RBSN: variants seen among roughly 807,000 people sequenced by gnomAD.
The protein encoded by RBSN is rabenosyn, RAB effector, also known as rabenosyn-5.
Under a neutral mutation model 60.5 loss-of-function variants are expected in RBSN, and 34 were observed. The ratio of observed to expected loss-of-function variants is 0.56; its 90% CI spans 0.43 to 0.75. The LOEUF (loss-of-function observed/expected upper bound fraction) is 0.75. Among genes scored for constraint, RBSN ranks in the 30% least tolerant of loss-of-function variants. The pLI is 0.00. For missense variants in RBSN, 845 were observed against 986.8 expected (o/e 0.86, Z 1.92); for synonymous variants, 322 against 366.9 (o/e 0.88, Z 1.40).
intron 10 of RBSN, among the ~76,000 whole-genome samples, 190 bp downstream of exon 10, chr3:15,080,542 C>G (rs1025580081): frequency 1.3e-5 from 2 of 152,078 alleles, no homozygotes; most frequent in Non-Finnish European, 2.9e-5. Flanking sequence ...TAGCCTGTAC[C>G]CCACTAAAAG....
At chr3:15,092,208 T>C (rs968043966) in intron 4 of RBSN, among the ~76,000 whole-genome samples, 3 of 151,614 alleles carry the variant, frequency 2.0e-5, no homozygotes. Flanking sequence ...CATTTTTTTG[T>C]AGAGATGTTG....
At chr3:15,090,860 G>A (rs1325117710) in intron 4 of RBSN, among the ~76,000 whole-genome samples, 1 of 152,120 alleles carries the variant, frequency 6.6e-6, no homozygotes, top group Non-Finnish European at 1.5e-5. Context: ...AGGAAAACAG[G>A]GTGATGGAAG....
In RBSN at chr3:15,074,475, G is replaced by T. The variant is rs757079272; in HGVS notation, c.1662C>A (p.Ile554=). 1 of 1,614,234 alleles carries T rather than the reference G, an allele frequency of 6.2e-7. No homozygotes were observed. The change falls in exon 14 of 14, where the codon ATC becomes ATA. Residue 554 remains isoleucine, a synonymous_variant. Coordinates refer to ENST00000253699, the MANE Select transcript of RBSN (RefSeq NM_022340.4). The surrounding 1 kb of genome is among the most constrained non-coding windows in gnomAD (Gnocchi z 6.4). ...TRTRSLDFRE[I]GPFQLEPSRE... is the part of the protein sequence containing the mutation. ...TGCTGGGCTCCAGCTGAAAAGGGCC[G>T]ATTTCTCTGAAGTCCAGGGACCGAG... is the stretch of plus-strand genomic sequence containing the variant.
rs932733368 is a variant in RBSN at position 15,073,513 on chromosome 3, G to C, written c.*269C>G. 9.3e-6 allele frequency: 4 copies of C among 431,184 alleles called. No individual in the cohort carries two copies. The highest frequency in any genetic ancestry group is 1.7e-5 in the Non-Finnish European group (4 of 241,592). 26.7% of individuals were successfully genotyped at this position (431,184 alleles called of 1,614,324 possible). On this transcript the variant is annotated 3_prime_UTR_variant, in exon 14 of 14. Transcript: ENST00000253699. ...AAAATGTAAAGTCCCTTCAAAAGGG[G>C]TAAACCTCCGATTACAAAAGATAGT...
chr3:15,087,397 C>T (rs962350417), intron 5 of RBSN, among the ~76,000 whole-genome samples: 4 of 152,098 alleles, frequency 2.6e-5, no homozygotes, highest in African/African-American at 9.7e-5. Context: ...CGCCTGTGGT[C>T]CCAGCTACTC....
rs1369130683 is a variant in RBSN at position 15,077,820 on chromosome 3, G to C, written c.998+255C>G. Among the ~76,000 whole-genome samples the C allele has an allele frequency of 6.6e-6, 1 of 152,176 alleles. No homozygotes were observed. Among genetic ancestry groups the C allele is most frequent in the Non-Finnish European group, 1.5e-5 (1 of 68,022 alleles). ...TAAATGAGCTATTCTAGAGAAAACA[G>C]CCAGTGACTGGCAGGTGATAGGTGT... On this transcript the variant is annotated intron_variant, in intron 11 of 13. Transcript: ENST00000253699. This position sits in a 1 kb window ranked among gnomAD's most constrained non-coding sequence, Gnocchi z 4.4.
At chr3:15,093,539 G>A (rs572889528) in intron 4 of RBSN, among the ~76,000 whole-genome samples, 32 of 152,202 alleles carry the variant, frequency 2.1e-4, no homozygotes, top group African/African-American at 7.0e-4. Context: ...CTACGAGTGC[G>A]TGCCACTATG....
At position 15,073,641 on chromosome 3, in the gene RBSN, A is replaced by T; in HGVS notation, c.*141T>A. 1.2e-6 allele frequency: 1 copy of T among 831,748 alleles called. No individual in the cohort carries two copies. Among genetic ancestry groups the T allele is most frequent in the Non-Finnish European group, 1.8e-6 (1 of 543,718 alleles). 51.5% of individuals were successfully genotyped at this position (831,748 alleles called of 1,614,324 possible). A position where few individuals can be genotyped will look rare whatever the true frequency, so the allele number is the denominator to read the frequency against. ...GAAATACCTCAAAGTGCGCAACACA[A>T]AACAGCAGATTCCTGCCCCTCACCT... On this transcript the variant is annotated 3_prime_UTR_variant, in exon 14 of 14. Coordinates refer to ENST00000253699, the MANE Select transcript of RBSN (RefSeq NM_022340.4).
intron 6 of RBSN, 121 bp from the exon 7 acceptor site, chr3:15,085,166 C>T: frequency 8.6e-7 from 1 of 1,159,576 alleles, no homozygotes; most frequent in Non-Finnish European, 1.2e-6. Flanking sequence ...ATCTGTCATC[C>T]CCAACGCCAC....
intron 13 of RBSN, chr3:15,075,271 T>C (rs1484486927): frequency 3.4e-6 from 2 of 592,324 alleles, no homozygotes; most frequent in Non-Finnish European, 6.2e-6. Context: ...TATAATTTTC[T>C]GTTTAATATT....
In RBSN at chr3:15,075,092, T is replaced by C. The variant is rs556390868; in HGVS notation, c.1207-162A>G. On this transcript the variant is annotated intron_variant, in intron 13 of 13. Coordinates refer to ENST00000253699, the MANE Select transcript of RBSN (RefSeq NM_022340.4). ...CTGCTAAAATCAAGTCATGTTTTTGTGTATATGTGGGCGGAAGGGAGACCC... is the reference window on the plus strand; with the variant it reads ...CTGCTAAAATCAAGTCATGTTTTTGCGTATATGTGGGCGGAAGGGAGACCC... 11 of 862,482 alleles carry C rather than the reference T, an allele frequency of 1.3e-5. No individual in the cohort carries two copies. The African/African-American group carries it at 1.5e-4, about 12-fold the overall frequency. 53.4% of individuals were successfully genotyped at this position (862,482 alleles called of 1,614,324 possible).
intron 4 of RBSN, among the ~76,000 whole-genome samples, chr3:15,092,613 C>T (rs919325970): frequency 1.3e-4 from 20 of 152,062 alleles, no homozygotes; most frequent in African/African-American, 4.6e-4. Flanking sequence ...GGTTTCACCA[C>T]ATTGGCCAGG....
rs1179257797 is a variant in RBSN at position 15,084,711 on chromosome 3, G to A, written c.598+24C>T. ...AGGCCCAAAAGAAGATGAGGGTCCAGGGCCCCACCTCCAAGTCACCTACTT... is the reference window on the plus strand; with the variant it reads ...AGGCCCAAAAGAAGATGAGGGTCCAAGGCCCCACCTCCAAGTCACCTACTT... On this transcript the variant is annotated intron_variant, in intron 8 of 13. Coordinates refer to ENST00000253699, the MANE Select transcript of RBSN (RefSeq NM_022340.4). The surrounding 1 kb of genome is among the most constrained non-coding windows in gnomAD (Gnocchi z 4.2). 16 of 1,565,674 alleles carry A rather than the reference G, an allele frequency of 1.0e-5. No homozygotes were observed. Among genetic ancestry groups the A allele is most frequent in the Non-Finnish European group, 1.3e-5 (15 of 1,157,350 alleles).
rs767867391 is a variant in RBSN, at chr3:15,074,728, A to G, written c.1409T>C (p.Ile470Thr). ...GCGGCCCGCGGCCTTGGCCTGCCTG[A>G]TGAATGATGTGATGTTGTGGATCTG... is the stretch of plus-strand genomic sequence containing the variant. The part of the protein sequence containing the change: ...LQQIHNITSF[I>T]RQAKAAGRMD... Residue 470 changes from isoleucine (I) to threonine (T), a missense_variant, in exon 14 of 14, where the codon ATC (isoleucine) becomes ACC (threonine). By Grantham distance (89) the Ile-to-Thr change is moderately conservative. Transcript: ENST00000253699. This position sits in a 1 kb window ranked among gnomAD's most constrained non-coding sequence, Gnocchi z 6.4. 5.0e-6 allele frequency: 8 copies of G among 1,614,222 alleles called. No homozygotes were observed. The highest frequency in any genetic ancestry group is 6.8e-6 in the Non-Finnish European group (8 of 1,180,040).
chr3:15,078,272 A>C (rs2043103675), intron 10 of RBSN, 111 bp from the exon 11 acceptor site: 1 of 837,408 alleles, frequency 1.2e-6, no homozygotes, highest in Admixed American at 2.2e-5. Flanking sequence ...AATTCTCTAA[A>C]GGTGGCATTT....
Position 15,080,824 on chromosome 3 carries a change from T to C in RBSN, c.841-22A>G, listed in dbSNP as rs145727755. ...ATTTCTAAGAACAAAAACAAAGAGG[T>C]AAGTGGTATGCTCAAGATATAGAAA... On this transcript the variant is annotated intron_variant, in intron 9 of 13. Coordinates refer to ENST00000253699, the MANE Select transcript of RBSN (RefSeq NM_022340.4). 3.7e-4 allele frequency: 601 copies of C among 1,607,950 alleles called. 3 individuals carry two copies. The African/African-American group carries it at 6.4e-3, about 17-fold the overall frequency.
rs1339611231 is a variant in RBSN at position 15,072,476 on chromosome 3, ATTATT to A, written c.*1301_*1305del. The A allele has an allele frequency of 6.6e-6, 1 of 152,242 alleles. No homozygotes were observed. The highest frequency in any genetic ancestry group is 6.5e-5 in the Admixed American group (1 of 15,286). 9.4% of individuals were successfully genotyped at this position (152,242 alleles called of 1,614,324 possible). On this transcript the variant is annotated 3_prime_UTR_variant, in exon 14 of 14. Coordinates refer to ENST00000253699, the MANE Select transcript of RBSN (RefSeq NM_022340.4). ...GAAGGCTGATCAAATAGCCTTGGAAATTATTTTAATTTAGCTTCTGACTCTGGGAA... is the reference window on the plus strand; with the variant it reads ...GAAGGCTGATCAAATAGCCTTGGAAATTAATTTAGCTTCTGACTCTGGGAA...
chr3:15,090,419 A>G lies in RBSN; in HGVS notation c.269T>C (p.Met90Thr). 1.2e-6 allele frequency: 2 copies of G among 1,613,902 alleles called. No homozygotes were observed. The highest frequency in any genetic ancestry group is 8.5e-7 in the Non-Finnish European group (1 of 1,179,960). Residue 90 changes from methionine (M) to threonine (T), a missense_variant, in exon 5 of 14, where the codon ATG (methionine) becomes ACG (threonine). Transcript: ENST00000253699. Reference sequence around the variant, plus strand: ...CTTACCAAGCTCCTGGGGTTCCCACATGTAAGGATCAACCCCTCCATAGCT... The same window carrying G: ...CTTACCAAGCTCCTGGGGTTCCCACGTGTAAGGATCAACCCCTCCATAGCT... Reference protein sequence around the residue: ...SFSYGGVDPYMWEPQELGAVR... With the variant: ...SFSYGGVDPYTWEPQELGAVR...
At chr3:15,099,000 CG>C (rs1398748914) in intron 1 of RBSN, 34 bp downstream of exon 1, 1 of 152,576 alleles carries the variant, frequency 6.6e-6, no homozygotes, top group Non-Finnish European at 1.5e-5. Context: ...GTCGTGTCCC[CG>C]CCCCCCAGAC....
Sources: allele counts gnomAD v4.1 joint callset (sites outside exome capture counted in the v4.1 genomes callset), GRCh38; gene constraint gnomAD v4.1.1; non-coding constraint Gnocchi (gnomAD v3.1); transcripts MANE v1.5; gene names NCBI Gene and HGNC (gene_info 2026-07-23, HGNC 2026-07-21).